PKIB: variants seen among roughly 807,000 people sequenced by gnomAD.
PKIB encodes the protein PKI-beta.
In PKIB, 2 loss-of-function variants were observed where a neutral mutation model predicts 4.5. The ratio of observed to expected loss-of-function variants is 0.44; its 90% CI spans 0.18 to 1.39. The LOEUF is 1.39. Ranked by LOEUF, PKIB falls within the 40% of genes most tolerant of loss-of-function variation. The probability of loss-of-function intolerance (pLI) is 0.27; values close to 1 mark genes in which losing one functional copy is unlikely to be tolerated. For synonymous variants in PKIB, 38 were observed against 36.0 expected, an observed-to-expected ratio of 1.06 and a Z score of -0.20; for missense variants, 94 against 92.6, an observed-to-expected ratio of 1.02 and a Z score of -0.06.
chr6:122,647,289 A>T (rs1009902604), intron 2 of PKIB, among the ~76,000 whole-genome samples: 10 of 152,190 alleles, frequency 6.6e-5, no homozygotes, highest in Non-Finnish European at 1.3e-4. Context: ...TTCTTCACTT[A>T]AAGTCAATTG....
chr6:122,586,272 G>T (rs1156904767), intron 3 of PKIB: 1 of 152,078 alleles, frequency 6.6e-6, no homozygotes, highest in African/African-American at 2.4e-5. Flanking sequence ...TTATGGTTCT[G>T]TCCTGGTTAG....
intron 2 of PKIB, among the ~76,000 whole-genome samples, chr6:122,544,825 C>T (rs143596233): frequency 0.015 from 2,222 of 151,830 alleles, 65 homozygotes; most frequent in African/African-American, 0.049. Flanking sequence ...AAAAAATAGG[C>T]GAGGGACATG....
intron 3 of PKIB, among the ~76,000 whole-genome samples, chr6:122,586,630 T>C (rs151127477): frequency 1.8e-3 from 276 of 152,296 alleles, no homozygotes; most frequent in Non-Finnish European, 2.8e-3. Flanking sequence ...AAGTCTCTTT[T>C]TGAGAAAGTC....
intron 2 of PKIB, among the ~76,000 whole-genome samples, chr6:122,517,099 TTC>T (rs1776782753): frequency 6.6e-6 from 1 of 152,210 alleles, no homozygotes; most frequent in Admixed American, 6.5e-5. Context: ...CGGATTATGT[TTC>T]TGTTTTTTTG....
At chr6:122,502,352 A>G (rs1312695500) in intron 2 of PKIB, among the ~76,000 whole-genome samples, 3 of 151,890 alleles carry the variant, frequency 2.0e-5, no homozygotes, top group Non-Finnish European at 2.9e-5. Flanking sequence ...TTATGCCACT[A>G]TAAAGACATA....
chr6:122,591,598 C>T (rs1007150778), intron 3 of PKIB, among the ~76,000 whole-genome samples: 1 of 152,112 alleles, frequency 6.6e-6, no homozygotes, highest in South Asian at 2.1e-4. Context: ...TAATTCAATA[C>T]ATTAGTATGA....
At chr6:122,473,656 T>G (rs1420023542) in intron 1 of PKIB, among the ~76,000 whole-genome samples, 1 of 152,210 alleles carries the variant, frequency 6.6e-6, no homozygotes, top group Non-Finnish European at 1.5e-5. Flanking sequence ...CTTTGCCAAC[T>G]ATGAAAGAAA....
At chr6:122,655,650 A>T (rs1776747412) in intron 2 of PKIB, among the ~76,000 whole-genome samples, 1 of 152,200 alleles carries the variant, frequency 6.6e-6, no homozygotes, top group Admixed American at 6.5e-5. Flanking sequence ...TGGAGGTAAC[A>T]GTCTAGTAGA....
At chr6:122,647,811 T>C (rs571844251) in intron 2 of PKIB, among the ~76,000 whole-genome samples, 109 of 152,372 alleles carry the variant, frequency 7.2e-4, no homozygotes, top group Non-Finnish European at 9.4e-4. Flanking sequence ...ATGATTCCCT[T>C]CTTCCATTAC....
intron 2 of PKIB, among the ~76,000 whole-genome samples, chr6:122,671,831 A>T (rs1777476644): frequency 6.6e-6 from 1 of 152,258 alleles, no homozygotes; most frequent in South Asian, 2.1e-4. Context: ...CTTCTCCTTT[A>T]TGCATGTTAT....
chr6:122,710,325 C>T (rs1281849827), intron 3 of PKIB, among the ~76,000 whole-genome samples: 10 of 152,118 alleles, frequency 6.6e-5, no homozygotes, highest in Admixed American at 2.6e-4. Flanking sequence ...CCAACACAGA[C>T]GGCCGTGTTC....
chr6:122,652,244 T>C (rs1227768037), intron 2 of PKIB, among the ~76,000 whole-genome samples: 2 of 152,172 alleles, frequency 1.3e-5, no homozygotes, highest in East Asian at 3.9e-4. Context: ...AATGTACATG[T>C]ATGTATATAC....
In PKIB at chr6:122,670,878, G is replaced by A. The variant is rs528738405; in HGVS notation, c.-75-4200G>A. On this transcript the variant is annotated intron_variant, in intron 2 of 4. Transcript: ENST00000368452. ...ACTTTTAAAACTAGGTCTTACAGTTGAAGTGGTTAACTTGCTTCACATAGT... is the reference window on the plus strand; with the variant it reads ...ACTTTTAAAACTAGGTCTTACAGTTAAAGTGGTTAACTTGCTTCACATAGT... 7.9e-5 allele frequency among the ~76,000 whole-genome samples: 12 copies of A among 152,324 alleles called. No individual in the cohort carries two copies. In the South Asian group the frequency reaches 2.5e-3, roughly 32 times the overall value.
At chr6:122,529,815 A>G (rs752362353) in intron 2 of PKIB, among the ~76,000 whole-genome samples, 1 of 151,644 alleles carries the variant, frequency 6.6e-6, no homozygotes, top group African/African-American at 2.4e-5. Flanking sequence ...TCTTATGGAA[A>G]CTCCTTTATA....
At chr6:122,651,098 A>G (rs1776535529) in intron 2 of PKIB, among the ~76,000 whole-genome samples, 1 of 152,200 alleles carries the variant, frequency 6.6e-6, no homozygotes, top group African/African-American at 2.4e-5. Flanking sequence ...TAGACGAGTG[A>G]AACAAGATGT....
intron 3 of PKIB, chr6:122,701,168 T>C: frequency 3.0e-6 from 1 of 332,936 alleles, no homozygotes; most frequent in East Asian, 5.6e-5. Flanking sequence ...ACCAGAAAGG[T>C]CACTACCTTT....
intron 2 of PKIB, among the ~76,000 whole-genome samples, chr6:122,519,374 T>C (rs1245732852): frequency 6.6e-6 from 1 of 152,140 alleles, no homozygotes; most frequent in East Asian, 1.9e-4. Flanking sequence ...TTTCATTATA[T>C]GTTACAATGT....
intron 2 of PKIB, among the ~76,000 whole-genome samples, chr6:122,518,667 G>T (rs930904523): frequency 1.1e-4 from 16 of 151,984 alleles, no homozygotes; most frequent in Non-Finnish European, 1.9e-4. Context: ...AGTGCCTAGT[G>T]GGTGTCAGGC....
chr6:122,606,575 A>AAAAAAAAAAC (rs1222210589), upstream of PKIB, among the ~76,000 whole-genome samples: 6 of 151,314 alleles, frequency 4.0e-5, no homozygotes, highest in African/African-American at 1.5e-4. Context: ...CTGTCTCAAA[A>AAAAAAAAAAC]AAGAAAAAAA....
Sources: gnomAD v4.1 joint callset for allele counts (sites outside exome capture counted in the v4.1 genomes callset) on GRCh38, gnomAD v4.1.1 for gene constraint, MANE v1.5 for transcripts, NCBI Gene and HGNC (gene_info 2026-07-23, HGNC 2026-07-21) for gene names.